Variants in THRA observed in about 807,000 individuals in gnomAD.
THRA encodes the protein EAR-7.
A neutral mutation model predicts 45.0 loss-of-function variants in THRA; 13 were observed. The observed-to-expected ratio is 0.29, with a 90% CI of 0.19 to 0.46. THRA has a LOEUF of 0.46. THRA is among the 20% of genes least tolerant of loss of function. THRA has a pLI of 1.00. For synonymous variants in THRA, 195 were observed against 214.0 expected, an observed-to-expected ratio of 0.91 and a Z score of 0.78; for missense variants, 278 against 556.1, an observed-to-expected ratio of 0.50 and a Z score of 5.03.
At chr17:40,077,993 TTTCTCTTCTC>T (rs1401396601) in intron 4 of THRA, among the ~76,000 whole-genome samples, 1 of 152,134 alleles carries the variant, frequency 6.6e-6, no homozygotes, top group African/African-American at 2.4e-5. Flanking sequence ...GCCTGGTTAC[TTTCTCTTCTC>T]TTCTCTTATT....
At chr17:40,076,141 G>A (rs1986944988) in intron 2 of THRA, among the ~76,000 whole-genome samples, 1 of 152,238 alleles carries the variant, frequency 6.6e-6, no homozygotes. Context: ...GAGGGGCTCA[G>A]TCCCGGCTCT....
chr17:40,079,151 G>T (rs183965850), intron 4 of THRA, among the ~76,000 whole-genome samples: 3 of 152,316 alleles, frequency 2.0e-5, no homozygotes, highest in African/African-American at 2.4e-5. Flanking sequence ...CAGTACTGGG[G>T]GGGTAGTGGG....
At chr17:40,064,954 A>G (rs1986500393) in intron 1 of THRA, among the ~76,000 whole-genome samples, 2 of 152,180 alleles carry the variant, frequency 1.3e-5, no homozygotes, top group Non-Finnish European at 2.9e-5. Context: ...GCAGCCGAGC[A>G]CACACTTAGA....
chr17:40,093,193 G>A, downstream of THRA: 3 of 1,613,854 alleles, frequency 1.9e-6, no homozygotes, highest in Non-Finnish European at 2.5e-6. This position sits in a 1 kb window ranked among gnomAD's most constrained non-coding sequence, Gnocchi z 5.9. Context: ...GTCTCCAAGG[G>A]CCGGTTCTTC....
chr17:40,072,355 C>T (rs578250793), intron 1 of THRA, among the ~76,000 whole-genome samples: 384 of 152,298 alleles, frequency 2.5e-3, no homozygotes, highest in African/African-American at 8.8e-3. Flanking sequence ...ACCTGCTCCC[C>T]GGGGCTGCCC....
chr17:40,084,828 G>A lies in THRA; in HGVS notation c.576+13G>A. On this transcript the variant is annotated intron_variant, in intron 6 of 8. Coordinates refer to ENST00000450525, the MANE Select transcript of THRA (RefSeq NM_199334.5). The stretch of plus-strand genomic sequence containing the variant: ...GCGGAAATTCCTGGTAAGGAGAAAG[G>A]GGGCATGGGGAGAGCAGTAGCCAGG... 1 of 1,612,516 alleles carries A rather than the reference G, an allele frequency of 6.2e-7. No homozygotes were observed. Among genetic ancestry groups the A allele is most frequent in the Non-Finnish European group, 8.5e-7 (1 of 1,179,908 alleles).
At chr17:40,085,411 G>T (rs375167965) in intron 6 of THRA, among the ~76,000 whole-genome samples, 3 of 151,526 alleles carry the variant, frequency 2.0e-5, no homozygotes, top group Admixed American at 2.0e-4. Flanking sequence ...TCGGCTCACC[G>T]CAACCTCCGC....
Position 40,088,343 on chromosome 17 carries a change from G to A in THRA, c.825G>A (p.Thr275=), listed in dbSNP as rs910797802. Residue 275 remains threonine, a synonymous_variant, in exon 8 of 9, where the codon ACG becomes ACA. Coordinates refer to ENST00000450525, the MANE Select transcript of THRA (RefSeq NM_199334.5). The stretch of plus-strand genomic sequence containing the variant: ...ACGACCCTGAGAGCGACACCCTGAC[G>A]CTGAGTGGGGAGATGGCTGTCAAGC... ...VRYDPESDTL[T]LSGEMAVKRE... 2.7e-5 allele frequency: 43 copies of A among 1,613,982 alleles called. No individual in the cohort carries two copies. Among genetic ancestry groups the A allele is most frequent in the Non-Finnish European group, 3.2e-5 (38 of 1,179,982 alleles).
downstream of THRA, chr17:40,093,151 G>A (rs745739491): frequency 1.2e-6 from 2 of 1,614,060 alleles, no homozygotes; most frequent in Non-Finnish European, 1.7e-6. The surrounding 1 kb of genome is among the most constrained non-coding windows in gnomAD (Gnocchi z 5.9). Context: ...CGCAGGTCCG[G>A]CAGCTTGAGC....
rs575984032 is a variant in THRA, at chr17:40,069,701, G to C, written c.-297-4491G>C. The stretch of plus-strand genomic sequence containing the variant: ...TCCATTCCTGAGGGGAATTGGGCAG[G>C]GGGGGCGTGAAGTTCTGTGGGCTGA... On this transcript the variant is annotated intron_variant, in intron 1 of 8. Coordinates refer to ENST00000450525, the MANE Select transcript of THRA (RefSeq NM_199334.5). Among the ~76,000 whole-genome samples the C allele has an allele frequency of 2.0e-5, 3 of 152,208 alleles. No homozygotes were observed. In the East Asian group the frequency reaches 5.8e-4, roughly 29 times the overall value.
chr17:40,087,677 G>T (rs763092723), intron 7 of THRA, among the ~76,000 whole-genome samples: 1 of 152,216 alleles, frequency 6.6e-6, no homozygotes, highest in African/African-American at 2.4e-5. Context: ...GTGACCTGGG[G>T]TAAGTTACCT....
upstream of THRA, chr17:40,062,538 C>T (rs915960410): frequency 1.3e-5 from 2 of 152,108 alleles, no homozygotes; most frequent in Non-Finnish European, 2.9e-5. Context: ...ACTTTCTCCC[C>T]GATGTATAAG....
At chr17:40,078,567 T>C (rs1360392452) in intron 4 of THRA, among the ~76,000 whole-genome samples, 1 of 152,134 alleles carries the variant, frequency 6.6e-6, no homozygotes, top group African/African-American at 2.4e-5. Context: ...ATTCATTCAG[T>C]GTATTCTTAG....
At chr17:40,076,190 T>G (rs1986947097) in intron 2 of THRA, among the ~76,000 whole-genome samples, 1 of 152,202 alleles carries the variant, frequency 6.6e-6, no homozygotes, top group African/African-American at 2.4e-5. Context: ...AAGCAGGGTC[T>G]CAGTTTGCTG....
At chr17:40,093,819 C>A, downstream of THRA, 1 of 1,157,384 alleles carries the variant, frequency 8.6e-7, no homozygotes, top group Non-Finnish European at 1.3e-6. The surrounding 1 kb of genome is among the most constrained non-coding windows in gnomAD (Gnocchi z 5.9). Flanking sequence ...GTGCCCGGTG[C>A]AGGGCCTGGC....
At chr17:40,076,591 T>C (rs988998202) in intron 2 of THRA, among the ~76,000 whole-genome samples, 2 of 152,214 alleles carry the variant, frequency 1.3e-5, no homozygotes, top group Non-Finnish European at 2.9e-5. Flanking sequence ...GAGGATGTCC[T>C]GCAGATTATG....
At chr17:40,093,571 TGTA>T (rs1303582726), downstream of THRA, 1 of 928,278 alleles carries the variant, frequency 1.1e-6, no homozygotes, top group African/African-American at 1.7e-5. The surrounding 1 kb of genome is among the most constrained non-coding windows in gnomAD (Gnocchi z 5.9). Context: ...CTTTTTGCTG[TGTA>T]GTTCCCTCTG....
chr17:40,089,596 ACACC>A lies in THRA; in HGVS notation c.*142_*145del. The A allele has an allele frequency of 6.9e-7, 1 of 1,450,676 alleles. No individual in the cohort carries two copies. Among genetic ancestry groups the A allele is most frequent in the African/African-American group, 1.4e-5 (1 of 70,268 alleles). The allele number at this position is 1,450,676 out of a possible 1,614,324, so 89.9% of individuals were successfully genotyped here. On this transcript the variant is annotated 3_prime_UTR_variant, in exon 9 of 9. Coordinates refer to ENST00000450525, the MANE Select transcript of THRA (RefSeq NM_199334.5). The surrounding 1 kb of genome is among the most constrained non-coding windows in gnomAD (Gnocchi z 6.1). ...TTGGATAGATTCAGCTCCCACACAC[ACACC>A]CGCACTGCCCAGGTCCCTCCTCAGA...
intron 1 of THRA, among the ~76,000 whole-genome samples, chr17:40,069,740 A>C (rs1986707326): frequency 6.6e-6 from 1 of 151,890 alleles, no homozygotes; most frequent in Admixed American, 6.6e-5. Context: ...GGAGGGGCTG[A>C]GTTCTCCAGC....
Sources: gnomAD v4.1 joint callset for allele counts (sites outside exome capture counted in the v4.1 genomes callset) on GRCh38, gnomAD v4.1.1 for gene constraint, Gnocchi (gnomAD v3.1) non-coding constraint, MANE v1.5 for transcripts, NCBI Gene and HGNC (gene_info 2026-07-23, HGNC 2026-07-21) for gene names.